EHBP1: variants seen among roughly 807,000 people sequenced by gnomAD.
EHBP1 encodes the protein EH domain binding protein 1.
Under a neutral mutation model 144.0 loss-of-function variants are expected in EHBP1, and 55 were observed. The ratio of observed to expected loss-of-function variants is 0.38; its 90% confidence interval spans 0.31 to 0.48. The LOEUF is 0.48. Among genes scored for constraint, EHBP1 ranks in the 20% least tolerant of loss-of-function variants. EHBP1 has a pLI of 0.98. For missense variants in EHBP1, 1,200 were observed against 1,364.2 expected (o/e 0.88, Z 1.90); for synonymous variants, 469 against 472.7 (o/e 0.99, Z 0.10).
intron 7 of EHBP1, among the ~76,000 whole-genome samples, chr2:62,837,817 C>A (rs1055610432): frequency 6.6e-6 from 1 of 151,096 alleles, no homozygotes; most frequent in Non-Finnish European, 1.5e-5. Context: ...GCACCCAATA[C>A]GGGAGCACCC....
intron 5 of EHBP1, among the ~76,000 whole-genome samples, chr2:62,776,612 C>A (rs2042069501): frequency 6.6e-6 from 1 of 152,172 alleles, no homozygotes. Flanking sequence ...GACAAGGCAA[C>A]TTGTAACATC....
Position 62,895,485 on chromosome 2 carries a change from G to C in EHBP1, c.1185+20953G>C, listed in dbSNP as rs1003471715. Among the ~76,000 whole-genome samples, 5 of 151,894 alleles carry C rather than the reference G, an allele frequency of 3.3e-5. No homozygotes were observed. In the East Asian group the frequency reaches 9.7e-4, roughly 29 times the overall value. ...TGATACTTTTGGCATTTTAACCTGG[G>C]GCCCCAGTGACTTCCTTTGATAGAT... On this transcript the variant is annotated intron_variant, in intron 10 of 22. Transcript: ENST00000431489.
rs17432615 is a variant in EHBP1 at position 62,949,004 on chromosome 2, A to C, written c.2158A>C (p.Lys720Gln). ...ATCAGATCCAGAATCTCCTATCAAA[A>C]AAACAAGTTTATCTCCTACTTCTAA... ...CRSDPESPIK[K>Q]TSLSPTSKLG... The change falls in exon 13 of 23, where the codon AAA becomes CAA. Residue 720 changes from lysine (K) to glutamine (Q), a missense_variant. Physicochemically the swap from Lys to Gln is moderately conservative, Grantham distance 53. Transcript: ENST00000431489. 198,104 of 1,613,406 alleles carry C rather than the reference A, an allele frequency of 0.12. 13,225 individuals are homozygous for C. The highest frequency in any genetic ancestry group is 0.14 in the Non-Finnish European group (163,441 of 1,179,562).
At chr2:62,957,511 T>G (rs970838639) in intron 14 of EHBP1, among the ~76,000 whole-genome samples, 2 of 151,284 alleles carry the variant, frequency 1.3e-5, no homozygotes, top group African/African-American at 2.4e-5. Context: ...GGAAAAGAAA[T>G]AAAAAGGTAT....
intron 19 of EHBP1, among the ~76,000 whole-genome samples, chr2:62,998,764 T>C (rs2059740050): frequency 6.6e-6 from 1 of 152,186 alleles, no homozygotes; most frequent in Non-Finnish European, 1.5e-5. Context: ...ATTATATTTC[T>C]TACTTCACAG....
At chr2:62,714,026 T>C (rs986983001) in intron 2 of EHBP1, among the ~76,000 whole-genome samples, 1 of 152,170 alleles carries the variant, frequency 6.6e-6, no homozygotes, top group Admixed American at 6.5e-5. Context: ...ACTCAAAATA[T>C]GCCTCTAGAT....
chr2:63,030,441 C>T (rs182767725), intron 19 of EHBP1, among the ~76,000 whole-genome samples: 9 of 152,032 alleles, frequency 5.9e-5, no homozygotes, highest in African/African-American at 1.9e-4. Flanking sequence ...TTAAAAATCA[C>T]ATCTTAAAAT....
chr2:62,982,028 G>A (rs992724973), intron 15 of EHBP1, among the ~76,000 whole-genome samples: 7 of 152,136 alleles, frequency 4.6e-5, no homozygotes, highest in African/African-American at 1.4e-4. Context: ...TCCTGTCCTC[G>A]GTGGTGGGTC....
At chr2:62,754,612 G>C (rs1558613509) in intron 3 of EHBP1, among the ~76,000 whole-genome samples, 1 of 152,220 alleles carries the variant, frequency 6.6e-6, no homozygotes, top group Non-Finnish European at 1.5e-5. Context: ...GAGGCAGGCA[G>C]GCCTCCTTGA....
intron 3 of EHBP1, among the ~76,000 whole-genome samples, chr2:62,763,246 C>T (rs1215292836): frequency 6.6e-6 from 1 of 152,028 alleles, no homozygotes; most frequent in Non-Finnish European, 1.5e-5. Context: ...CAGCACTTAC[C>T]TCTACCTAAC....
At chr2:62,721,132 G>C (rs1193081806) in intron 2 of EHBP1, among the ~76,000 whole-genome samples, 1 of 152,150 alleles carries the variant, frequency 6.6e-6, no homozygotes, top group Non-Finnish European at 1.5e-5. Context: ...CCTCTAATCT[G>C]TAATAGTTTT....
rs139952565 is a variant in EHBP1, at chr2:62,920,772, C to T, written c.1186-21946C>T. The stretch of plus-strand genomic sequence containing the variant: ...CTGCCTTCTGGGTTCAGGCAATTCT[C>T]CTGCCTCAGCCTTCCGAGTAGCTGC... On this transcript the variant is annotated intron_variant, in intron 10 of 22. Coordinates refer to ENST00000431489, the MANE Select transcript of EHBP1 (RefSeq NM_001142616.3). 4.9e-4 allele frequency among the ~76,000 whole-genome samples: 74 copies of T among 152,084 alleles called. 1 individual carries two copies. The highest frequency in any genetic ancestry group is 1.6e-3 in the African/African-American group (66 of 41,496).
chr2:62,779,803 C>T (rs2042303731), intron 5 of EHBP1, among the ~76,000 whole-genome samples: 1 of 152,072 alleles, frequency 6.6e-6, no homozygotes, highest in Non-Finnish European at 1.5e-5. Context: ...TTAGTTTCAA[C>T]TTAACTTTTT....
At chr2:62,935,001 C>G (rs1013345925) in intron 10 of EHBP1, among the ~76,000 whole-genome samples, 1 of 152,026 alleles carries the variant, frequency 6.6e-6, no homozygotes, top group African/African-American at 2.4e-5. Flanking sequence ...TAATTGATAT[C>G]ATTACAAAAT....
intron 5 of EHBP1, among the ~76,000 whole-genome samples, chr2:62,779,406 G>C (rs973740187): frequency 4.3e-4 from 66 of 152,184 alleles, no homozygotes; most frequent in African/African-American, 1.5e-3. Context: ...ATTCAACTTT[G>C]TGTGGAGGGA....
chr2:62,983,482 C>A (rs1410288577), intron 15 of EHBP1, among the ~76,000 whole-genome samples: 1 of 152,000 alleles, frequency 6.6e-6, no homozygotes, highest in Non-Finnish European at 1.5e-5. Flanking sequence ...TATTCCATAG[C>A]TTATCACTTT....
At chr2:62,719,205 A>T (rs2035972432) in intron 2 of EHBP1, among the ~76,000 whole-genome samples, 2 of 152,024 alleles carry the variant, frequency 1.3e-5, no homozygotes, top group Non-Finnish European at 2.9e-5. Context: ...GTCTGAAGTG[A>T]TCCACCTGCT....
intron 19 of EHBP1, among the ~76,000 whole-genome samples, chr2:63,024,097 A>G (rs953538282): frequency 5.3e-5 from 8 of 152,030 alleles, no homozygotes; most frequent in Non-Finnish European, 1.2e-4. Flanking sequence ...TGTAATCCCA[A>G]CACTTTGGGA....
chr2:62,738,549 G>C (rs1373006567), intron 2 of EHBP1, among the ~76,000 whole-genome samples: 2 of 152,128 alleles, frequency 1.3e-5, no homozygotes, highest in African/African-American at 2.4e-5. Context: ...CAAGTGTCCT[G>C]CTCCACTTTG....
Sources: gnomAD v4.1 joint callset for allele counts (sites outside exome capture counted in the v4.1 genomes callset) on GRCh38, gnomAD v4.1.1 for gene constraint, MANE v1.5 for transcripts, NCBI Gene and HGNC (gene_info 2026-07-23, HGNC 2026-07-21) for gene names.